WWC1: variants seen among roughly 807,000 people sequenced by gnomAD.
WWC1 encodes the protein WW and C2 domain containing 1.
In WWC1, 55 loss-of-function variants were observed where a neutral mutation model predicts 138.4. The observed-to-expected ratio is 0.40, with a 90% confidence interval of 0.32 to 0.50. WWC1 has a LOEUF of 0.50. Ranked by LOEUF, WWC1 falls within the 20% of genes least tolerant of loss-of-function variation. The pLI, the probability that WWC1 is intolerant of heterozygous loss-of-function variation, is 0.72. For missense variants in WWC1, 1,226 were observed against 1,420.4 expected (o/e 0.86, Z 2.20); for synonymous variants, 524 against 564.9 (o/e 0.93, Z 1.03).
chr5:168,359,033 G>T (rs981161761), intron 1 of WWC1, among the ~76,000 whole-genome samples: 2 of 148,304 alleles, frequency 1.3e-5, no homozygotes, highest in South Asian at 4.3e-4. Context: ...GTGGTGGTGG[G>T]GTGTGTGTGT....
intron 17 of WWC1, among the ~76,000 whole-genome samples, chr5:168,449,054 G>A (rs10078264): frequency 0.048 from 7,319 of 152,138 alleles, 561 homozygotes; most frequent in African/African-American, 0.17. Context: ...TAACAGATAA[G>A]GCTAAATGGC....
intron 1 of WWC1, among the ~76,000 whole-genome samples, chr5:168,294,478 G>A (rs1304681214): frequency 1.3e-5 from 2 of 152,136 alleles, no homozygotes; most frequent in African/African-American, 2.4e-5. Flanking sequence ...CCAGCCTAAG[G>A]CCACAGCACC....
intron 1 of WWC1, among the ~76,000 whole-genome samples, chr5:168,323,820 G>A (rs569185679): frequency 2.0e-5 from 3 of 152,222 alleles, no homozygotes; most frequent in African/African-American, 7.2e-5. Flanking sequence ...ACTACACCTA[G>A]ACACATCATA....
At chr5:168,310,994 G>A (rs1014339593) in intron 1 of WWC1, among the ~76,000 whole-genome samples, 2 of 152,186 alleles carry the variant, frequency 1.3e-5, no homozygotes, top group Non-Finnish European at 2.9e-5. Flanking sequence ...ACTTTGCAGA[G>A]TGCCCATCAC....
At chr5:168,406,389 A>G in intron 6 of WWC1, 62 bp downstream of exon 6, 1 of 1,599,636 alleles carries the variant, frequency 6.3e-7, no homozygotes, top group Non-Finnish European at 8.5e-7. Flanking sequence ...CCTGTATGCC[A>G]GTCGTATGCG....
At chr5:168,457,267 A>G in intron 19 of WWC1, among the ~76,000 whole-genome samples, 1 of 151,996 alleles carries the variant, frequency 6.6e-6, no homozygotes, top group East Asian at 1.9e-4. Context: ...GATGTAGCCA[A>G]GAGTACAACA....
rs553764463 is a variant in WWC1, at chr5:168,397,059, A to G, written c.434-665A>G. 7.2e-5 allele frequency among the ~76,000 whole-genome samples: 11 copies of G among 152,232 alleles called. No homozygotes were observed. The East Asian group carries it at 2.1e-3, about 29-fold the overall frequency. On this transcript the variant is annotated intron_variant, in intron 3 of 22. Transcript: ENST00000265293. Reference sequence around the variant, plus strand: ...TTTACCATCTAACTCTCTAGATATCAGTGTTCTCTTTGGTATTTTTTTCAG... The same window carrying G: ...TTTACCATCTAACTCTCTAGATATCGGTGTTCTCTTTGGTATTTTTTTCAG...
chr5:168,336,724 A>G (rs989900783), intron 1 of WWC1, among the ~76,000 whole-genome samples: 63 of 152,084 alleles, frequency 4.1e-4, no homozygotes, highest in Non-Finnish European at 1.8e-4. Flanking sequence ...TCGTCATTTT[A>G]CTTGTGTGCT....
intron 20 of WWC1, among the ~76,000 whole-genome samples, chr5:168,463,645 G>A (rs1307249247): frequency 6.6e-6 from 1 of 152,166 alleles, no homozygotes; most frequent in Non-Finnish European, 1.5e-5. Flanking sequence ...TGGGAGGAGA[G>A]TTAATGATTG....
At chr5:168,413,633 A>G (rs1312916442) in intron 8 of WWC1, among the ~76,000 whole-genome samples, 1 of 152,202 alleles carries the variant, frequency 6.6e-6, no homozygotes, top group Non-Finnish European at 1.5e-5. Flanking sequence ...CCCTTCCATC[A>G]TGAAGGCCAG....
chr5:168,390,083 G>A (rs1778365367), intron 3 of WWC1, among the ~76,000 whole-genome samples: 1 of 152,134 alleles, frequency 6.6e-6, no homozygotes, highest in South Asian at 2.1e-4. Flanking sequence ...TCAAATCCAG[G>A]ATATGCAGAT....
chr5:168,421,483 C>T (rs1040815435), intron 9 of WWC1, among the ~76,000 whole-genome samples: 3 of 152,174 alleles, frequency 2.0e-5, no homozygotes, highest in Non-Finnish European at 2.9e-5. Context: ...TCTTTAATAT[C>T]GGTTCTCCCC....
chr5:168,378,851 GT>G (rs1241477773), intron 2 of WWC1, among the ~76,000 whole-genome samples: 9 of 152,162 alleles, frequency 5.9e-5, no homozygotes, highest in Non-Finnish European at 1.3e-4. Flanking sequence ...TTCTCCAGAT[GT>G]TTTTAAGAGA....
intron 1 of WWC1, among the ~76,000 whole-genome samples, chr5:168,342,807 T>C (rs1253604321): frequency 1.3e-5 from 2 of 152,174 alleles, no homozygotes; most frequent in Non-Finnish European, 2.9e-5. Flanking sequence ...AACCGGAGGA[T>C]GCAAGTGCTG....
intron 2 of WWC1, among the ~76,000 whole-genome samples, chr5:168,373,719 TAAAA>T (rs368930085): frequency 4.0e-4 from 21 of 52,646 alleles, no homozygotes; most frequent in Admixed American, 6.0e-4. Context: ...CCTTGTCTCT[TAAAA>T]AAAAAAAAAA....
At chr5:168,328,490 C>G (rs900139211) in intron 1 of WWC1, among the ~76,000 whole-genome samples, 1 of 152,138 alleles carries the variant, frequency 6.6e-6, no homozygotes. Flanking sequence ...AGTCATTCCC[C>G]TTTTCCTTAT....
rs1774006677 is a variant in WWC1 at position 168,341,186 on chromosome 5, G to T, written c.120-30238G>T. 2.0e-5 allele frequency among the ~76,000 whole-genome samples: 3 copies of T among 152,296 alleles called. No individual in the cohort carries two copies. In the South Asian group the frequency reaches 6.2e-4, roughly 32 times the overall value. On this transcript the variant is annotated intron_variant, in intron 1 of 22. Coordinates refer to ENST00000265293, the MANE Select transcript of WWC1 (RefSeq NM_015238.3). Reference sequence around the variant, plus strand: ...TACAGTCGAGAGTTGCAAGGTTCTGGCAGGTAGACCAATGGGCTATGGGAC... The same window carrying T: ...TACAGTCGAGAGTTGCAAGGTTCTGTCAGGTAGACCAATGGGCTATGGGAC...
rs1262513422 is a variant in WWC1, at chr5:168,471,925, A to AGTTTT, written c.*2908_*2909insGTTTT. ...TGTATCTGCAGTCCATTTGGACTCA[A>AGTTTT]TAAAAACTTTGAAAGTCACATGTGT... On this transcript the variant is annotated 3_prime_UTR_variant, in exon 23 of 23. Transcript: ENST00000265293. The AGTTTT allele has an allele frequency of 6.6e-6, 1 of 152,266 alleles. No homozygotes were observed. Among genetic ancestry groups the AGTTTT allele is most frequent in the African/African-American group, 2.4e-5 (1 of 41,476 alleles). The allele number at this position is 152,266 out of a possible 1,614,324, so 9.4% of individuals were successfully genotyped here.
chr5:168,327,794 G>A (rs181055407), intron 1 of WWC1, among the ~76,000 whole-genome samples: 81 of 152,338 alleles, frequency 5.3e-4, no homozygotes, highest in African/African-American at 1.9e-3. Context: ...CTCCACTCTG[G>A]AAGGATATCA....
Sources: gnomAD v4.1 joint callset for allele counts (sites outside exome capture counted in the v4.1 genomes callset) on GRCh38, gnomAD v4.1.1 for gene constraint, MANE v1.5 for transcripts, NCBI Gene and HGNC (gene_info 2026-07-23, HGNC 2026-07-21) for gene names.